The following ADGB variants were observed in gnomAD, a reference collection of about 807,000 sequenced individuals.
ADGB encodes the protein calpain-7-like protein.
Under a neutral mutation model 210.5 loss-of-function variants are expected in ADGB, and 172 were observed. The observed-to-expected ratio is 0.82, with a 90% CI of 0.72 to 0.93. The LOEUF (loss-of-function observed/expected upper bound fraction) is 0.93, where lower values mean the gene tolerates loss of function less well. ADGB is among the 40% of genes least tolerant of loss of function. ADGB has a pLI of 0.00. For synonymous variants in ADGB, 658 were observed against 662.7 expected (o/e 0.99, Z 0.11); for missense variants, 2,025 against 1,964.8 (o/e 1.03, Z -0.58).
chr6:146,722,862 A>G (rs1776841804), intron 17 of ADGB, among the ~76,000 whole-genome samples: 1 of 152,140 alleles, frequency 6.6e-6, no homozygotes, highest in Non-Finnish European at 1.5e-5. Flanking sequence ...CTGCTCCTCT[A>G]CAAGGCCAAA....
chr6:146,619,868 A>G (rs1484180396), intron 1 of ADGB, among the ~76,000 whole-genome samples: 1 of 152,088 alleles, frequency 6.6e-6, no homozygotes, highest in Non-Finnish European at 1.5e-5. Flanking sequence ...TTTACCAGTC[A>G]GTTTAATAAC....
At chr6:146,759,660 T>C (rs560670484) in intron 27 of ADGB, among the ~76,000 whole-genome samples, 2 of 151,776 alleles carry the variant, frequency 1.3e-5, no homozygotes, top group African/African-American at 4.8e-5. Flanking sequence ...ATATATGAAA[T>C]AAATGTTTAG....
In ADGB at chr6:146,726,774, G is replaced by C. The variant is rs138581183; in HGVS notation, c.2352+577G>C. Reference sequence around the variant, plus strand: ...TCTTTTCATATCTGTTAATATCTTAGTTAGATCCCATGGCATCATTGGTTC... The same window carrying C: ...TCTTTTCATATCTGTTAATATCTTACTTAGATCCCATGGCATCATTGGTTC... On this transcript the variant is annotated intron_variant, in intron 19 of 35. Coordinates refer to ENST00000397944, the MANE Select transcript of ADGB (RefSeq NM_024694.4). Among the ~76,000 whole-genome samples, 504 of 152,106 alleles carry C rather than the reference G, an allele frequency of 3.3e-3. 4 individuals carry two copies. The highest frequency in any genetic ancestry group is 0.011 in the African/African-American group (477 of 41,502).
At chr6:146,725,513 A>G (rs1450834938) in intron 18 of ADGB, 1 of 152,250 alleles carries the variant, frequency 6.6e-6, no homozygotes, top group Non-Finnish European at 1.5e-5. Context: ...TCTGAGGTGG[A>G]ACAGTTTCAT....
At chr6:146,691,441 TAAAA>T (rs1184013363) in intron 11 of ADGB, among the ~76,000 whole-genome samples, 151 bp downstream of exon 11, 1,006 of 12,412 alleles carry the variant, frequency 0.081, 9 homozygotes, top group South Asian at 0.11. Context: ...TATATATATA[TAAAA>T]ATATATATAT....
chr6:146,694,273 A>T (rs150394825), intron 12 of ADGB, among the ~76,000 whole-genome samples: 2 of 152,248 alleles, frequency 1.3e-5, no homozygotes, highest in Non-Finnish European at 2.9e-5. Flanking sequence ...TTTATCTCTC[A>T]TACTTCTAGA....
intron 3 of ADGB, among the ~76,000 whole-genome samples, chr6:146,653,138 T>A (rs911754099): frequency 1.3e-5 from 2 of 151,924 alleles, no homozygotes; most frequent in African/African-American, 4.8e-5. Flanking sequence ...GGTTGCATGC[T>A]CCTTATGAGA....
At chr6:146,770,238 G>A (rs1360624040) in intron 29 of ADGB, among the ~76,000 whole-genome samples, 3 of 152,196 alleles carry the variant, frequency 2.0e-5, no homozygotes, top group East Asian at 3.9e-4. Flanking sequence ...TTATCTGCCT[G>A]GACCTGATCA....
intron 35 of ADGB, among the ~76,000 whole-genome samples, chr6:146,806,523 A>G (rs1778214422): frequency 6.6e-6 from 1 of 152,122 alleles, no homozygotes; most frequent in Non-Finnish European, 1.5e-5. Context: ...TTTTGTAAAA[A>G]CTTCGGGAAT....
At chr6:146,692,061 A>C (rs1776336757) in intron 11 of ADGB, among the ~76,000 whole-genome samples, 2 of 152,264 alleles carry the variant, frequency 1.3e-5, no homozygotes, top group Middle Eastern at 6.8e-3. Context: ...AAATTTGCAG[A>C]GCTTCTTAAA....
intron 12 of ADGB, among the ~76,000 whole-genome samples, chr6:146,699,222 A>G (rs1776453186): frequency 6.6e-6 from 1 of 152,146 alleles, no homozygotes; most frequent in Non-Finnish European, 1.5e-5. Flanking sequence ...GACTCAAGAT[A>G]GGCTGTCTGC....
intron 20 of ADGB, among the ~76,000 whole-genome samples, chr6:146,731,255 G>T (rs937819360): frequency 6.6e-6 from 1 of 152,026 alleles, no homozygotes; most frequent in East Asian, 1.9e-4. Context: ...GAACAAGTCT[G>T]ATAGTGCCCC....
intron 35 of ADGB, among the ~76,000 whole-genome samples, chr6:146,805,943 T>A (rs1236414180): frequency 1.3e-5 from 2 of 152,258 alleles, no homozygotes; most frequent in Non-Finnish European, 2.9e-5. Context: ...CAATAAAGAC[T>A]ATATGTGGAC....
At chr6:146,753,058 A>G (rs1777347353) in intron 27 of ADGB, among the ~76,000 whole-genome samples, 1 of 151,612 alleles carries the variant, frequency 6.6e-6, no homozygotes, top group African/African-American at 2.4e-5. Context: ...AAATTAACAA[A>G]AACTAAAGTT....
intron 1 of ADGB, among the ~76,000 whole-genome samples, chr6:146,599,403 G>A (rs771119159): frequency 4.6e-5 from 7 of 152,164 alleles, no homozygotes; most frequent in Non-Finnish European, 7.3e-5. Flanking sequence ...CTCTCAGGCA[G>A]TTAGAAAGGC....
At chr6:146,812,067 T>C (rs1331344022) in intron 35 of ADGB, among the ~76,000 whole-genome samples, 1 of 152,256 alleles carries the variant, frequency 6.6e-6, no homozygotes, top group Non-Finnish European at 1.5e-5. Flanking sequence ...GTAGCTTATT[T>C]TGAATCATTA....
At chr6:146,719,320 C>T (rs992969887) in intron 16 of ADGB, among the ~76,000 whole-genome samples, 1 of 152,148 alleles carries the variant, frequency 6.6e-6, no homozygotes, top group African/African-American at 2.4e-5. Context: ...GTAAACTGGT[C>T]AACTGTTCTT....
At chr6:146,715,322 G>T in intron 13 of ADGB, 60 bp from the exon 14 acceptor site, 1 of 1,299,718 alleles carries the variant, frequency 7.7e-7, no homozygotes, top group Non-Finnish European at 1.1e-6. Flanking sequence ...TAGTAACTTT[G>T]GTGCTTTGGA....
At chr6:146,807,756 G>A in intron 35 of ADGB, 1 of 553,898 alleles carries the variant, frequency 1.8e-6, no homozygotes, top group Non-Finnish European at 3.0e-6. Flanking sequence ...AGTATTTGAA[G>A]CCATTCGAGT....
Sources: gnomAD v4.1 joint callset for allele counts (sites outside exome capture counted in the v4.1 genomes callset) on GRCh38, gnomAD v4.1.1 for gene constraint, MANE v1.5 for transcripts, NCBI Gene and HGNC (gene_info 2026-07-23, HGNC 2026-07-21) for gene names.